Variants in SERTM1 observed in about 807,000 individuals in gnomAD.
SERTM1 encodes the protein serine rich and transmembrane domain containing 1.
In SERTM1, 1 loss-of-function variant was observed where a neutral mutation model predicts 5.5. The observed-to-expected ratio is 0.18, with a 90% CI of 0.06 to 0.86. The LOEUF (loss-of-function observed/expected upper bound fraction) is 0.86, where lower values mean the gene tolerates loss of function less well. SERTM1 is among the 40% of genes least tolerant of loss of function. The pLI, the probability that SERTM1 is intolerant of heterozygous loss-of-function variation, is 0.69. For missense variants in SERTM1, 91 were observed against 122.4 expected, an observed-to-expected ratio of 0.74 and a Z score of 1.21; for synonymous variants, 52 against 55.1, an observed-to-expected ratio of 0.94 and a Z score of 0.25.
At position 36,696,535 on chromosome 13, in the gene SERTM1, T is replaced by A. The variant is rs1778051792; in HGVS notation, c.*1133T>A. 1.8e-5 allele frequency: 3 copies of A among 166,990 alleles called. No homozygotes were observed. In the South Asian group the frequency reaches 6.2e-4, roughly 35 times the overall value. The allele number at this position is 166,990 out of a possible 1,614,324, so 10.3% of individuals were successfully genotyped here. A position where few individuals can be genotyped will look rare whatever the true frequency, so the allele number is the denominator to read the frequency against. On this transcript the variant is annotated 3_prime_UTR_variant, in exon 2 of 2. Transcript: ENST00000315190. ...TATTAAAAATTGTAGGCACTCAAGTTGTGTAGCTGCTGGGAGCTTTAGGGA... is the reference window on the plus strand; with the variant it reads ...TATTAAAAATTGTAGGCACTCAAGTAGTGTAGCTGCTGGGAGCTTTAGGGA...
At chr13:36,691,628 C>T (rs903463705) in intron 1 of SERTM1, among the ~76,000 whole-genome samples, 1 of 152,058 alleles carries the variant, frequency 6.6e-6, no homozygotes, top group African/African-American at 2.4e-5. Context: ...TGATTCTGAG[C>T]GGAAAAAAAG....
intron 1 of SERTM1, among the ~76,000 whole-genome samples, chr13:36,683,378 C>T (rs979094358): frequency 6.6e-6 from 1 of 152,116 alleles, no homozygotes; most frequent in Non-Finnish European, 1.5e-5. Flanking sequence ...TCATACAACT[C>T]TCAATTATTC....
At chr13:36,690,380 G>A (rs1242557373) in intron 1 of SERTM1, among the ~76,000 whole-genome samples, 1 of 152,230 alleles carries the variant, frequency 6.6e-6, no homozygotes, top group Non-Finnish European at 1.5e-5. Flanking sequence ...AGTCAGCTTT[G>A]AGTAAGGGTA....
chr13:36,694,811 G>A (rs2138101522), intron 1 of SERTM1, 95 bp from the exon 2 acceptor site: 2 of 457,070 alleles, frequency 4.4e-6, no homozygotes, highest in Middle Eastern at 1.1e-3. Flanking sequence ...CCTCCATGCT[G>A]AGTTTTCTAA....
At chr13:36,685,874 T>G (rs1242160139) in intron 1 of SERTM1, among the ~76,000 whole-genome samples, 1 of 152,200 alleles carries the variant, frequency 6.6e-6, no homozygotes. Flanking sequence ...AAGTCCCTAC[T>G]TTGAACCTGG....
At chr13:36,688,970 G>C (rs1232434935) in intron 1 of SERTM1, among the ~76,000 whole-genome samples, 1 of 152,038 alleles carries the variant, frequency 6.6e-6, no homozygotes, top group African/African-American at 2.4e-5. Flanking sequence ...AGCCAAGATG[G>C]GTCCAGTCTC....
chr13:36,678,359 A>G (rs1010817915), intron 1 of SERTM1, among the ~76,000 whole-genome samples: 4 of 152,140 alleles, frequency 2.6e-5, no homozygotes, highest in Non-Finnish European at 5.9e-5. Context: ...TAGTAGCAGT[A>G]GTAGTTGTTG....
rs765476413 is a variant in SERTM1 at position 36,678,679 on chromosome 13, T to TTATATATATATA, written c.-174+4500_-174+4511dup. Among the ~76,000 whole-genome samples, 584 of 133,720 alleles carry TTATATATATATA rather than the reference T, an allele frequency of 4.4e-3. 22 individuals are homozygous for TTATATATATATA. Among genetic ancestry groups the TTATATATATATA allele is most frequent in the African/African-American group, 0.015 (520 of 35,526 alleles). The allele number at this position is 133,720 out of a possible 152,430, so 87.7% of individuals were successfully genotyped here. On this transcript the variant is annotated intron_variant, in intron 1 of 1. Coordinates refer to ENST00000315190, the MANE Select transcript of SERTM1 (RefSeq NM_203451.3). ...CCTGGAACTTAAAATAAAATAAAAT[T>TTATATATATATA]TATATATATATATATAAAATATAGT...
At chr13:36,675,313 C>T (rs566297383) in intron 1 of SERTM1, among the ~76,000 whole-genome samples, 17 of 152,308 alleles carry the variant, frequency 1.1e-4, no homozygotes, top group African/African-American at 4.1e-4. Flanking sequence ...GTGCAAAGGG[C>T]GGGGAAACTG....
intron 1 of SERTM1, among the ~76,000 whole-genome samples, chr13:36,692,613 T>C (rs1267068745): frequency 6.6e-6 from 1 of 152,218 alleles, no homozygotes; most frequent in African/African-American, 2.4e-5. Context: ...CCTTTTATGA[T>C]TTTCTAAGTA....
At chr13:36,688,916 C>T (rs772357720) in intron 1 of SERTM1, among the ~76,000 whole-genome samples, 12 of 152,088 alleles carry the variant, frequency 7.9e-5, no homozygotes, top group East Asian at 1.9e-4. Context: ...TTCTTCAACC[C>T]GCAGGTTACT....
intron 1 of SERTM1, among the ~76,000 whole-genome samples, chr13:36,689,728 T>C (rs932928286): frequency 6.6e-6 from 1 of 151,592 alleles, no homozygotes; most frequent in Admixed American, 6.6e-5. Flanking sequence ...TCAAGAAAGA[T>C]ATATTGTGAA....
At chr13:36,686,556 A>G (rs573072512) in intron 1 of SERTM1, among the ~76,000 whole-genome samples, 1 of 152,310 alleles carries the variant, frequency 6.6e-6, no homozygotes, top group East Asian at 1.9e-4. Flanking sequence ...ATGCATGTAT[A>G]TGCGTAAGTG....
chr13:36,680,711 A>G (rs1046465304), intron 1 of SERTM1, among the ~76,000 whole-genome samples: 3 of 151,966 alleles, frequency 2.0e-5, no homozygotes, highest in Non-Finnish European at 2.9e-5. Flanking sequence ...TGTGGTTTTT[A>G]GTTTTCAATG....
At chr13:36,674,488 G>C (rs2056657757) in intron 1 of SERTM1, among the ~76,000 whole-genome samples, 1 of 152,128 alleles carries the variant, frequency 6.6e-6, no homozygotes, top group African/African-American at 2.4e-5. Flanking sequence ...CCTTGGCCCC[G>C]TGTTGACCTG....
chr13:36,677,150 C>T lies in SERTM1; in HGVS notation c.-174+2966C>T, dbSNP rs141420223. ...ATGCTCAGTCTCATGACATAAAATG[C>T]GTCCTTCACGAGTTCCTTATGGATA... On this transcript the variant is annotated intron_variant, in intron 1 of 1. Coordinates refer to ENST00000315190, the MANE Select transcript of SERTM1 (RefSeq NM_203451.3). Among the ~76,000 whole-genome samples the T allele has an allele frequency of 7.4e-3, 1,121 of 152,134 alleles. 8 individuals are homozygous for T. Among genetic ancestry groups the T allele is most frequent in the Middle Eastern group, 0.027 (8 of 294 alleles).
chr13:36,684,158 G>A (rs2056724945), intron 1 of SERTM1, among the ~76,000 whole-genome samples: 1 of 152,102 alleles, frequency 6.6e-6, no homozygotes, highest in South Asian at 2.1e-4. Context: ...TTAGCCGGAC[G>A]TGGTGGTGGG....
At chr13:36,688,036 C>A (rs1255393501) in intron 1 of SERTM1, among the ~76,000 whole-genome samples, 2 of 151,956 alleles carry the variant, frequency 1.3e-5, no homozygotes, top group Admixed American at 1.3e-4. Flanking sequence ...AGCACAAAAT[C>A]TTTCCAAATA....
Position 36,695,150 on chromosome 13 carries a change from C to G in SERTM1, c.72C>G (p.Pro24=). Residue 24 remains proline, a synonymous_variant, in exon 2 of 2, where the codon CCC becomes CCG. Coordinates refer to ENST00000315190, the MANE Select transcript of SERTM1 (RefSeq NM_203451.3). ...ATGGAACTTTTCTTGAGCTGTTTCCCACATCCCTGTCCACGTCAGTGGACC... is the reference window on the plus strand; with the variant it reads ...ATGGAACTTTTCTTGAGCTGTTTCCGACATCCCTGTCCACGTCAGTGGACC... The part of the protein sequence containing the change: ...VENGTFLELF[P]TSLSTSVDPS... 6.2e-7 allele frequency: 1 copy of G among 1,614,178 alleles called. No individual in the cohort carries two copies.
Sources: allele counts gnomAD v4.1 joint callset (sites outside exome capture counted in the v4.1 genomes callset), GRCh38; gene constraint gnomAD v4.1.1; transcripts MANE v1.5; gene names NCBI Gene and HGNC (gene_info 2026-07-23, HGNC 2026-07-21).